The following PRKCE variants were observed in gnomAD, a reference collection of about 807,000 sequenced individuals.
PRKCE encodes protein kinase C epsilon type.
In PRKCE, 16 loss-of-function variants were observed where a neutral mutation model predicts 85.4. The ratio of observed to expected loss-of-function variants is 0.19; its 90% CI spans 0.13 to 0.28. The LOEUF is 0.28. Ranked by LOEUF, PRKCE falls within the 10% of genes least tolerant of loss-of-function variation. The pLI is 1.00. For synonymous variants in PRKCE, 388 were observed against 371.5 expected (o/e 1.04, Z -0.51); for missense variants, 573 against 975.2 (o/e 0.59, Z 5.49).
At chr2:45,690,427 T>G (rs1677639646) in intron 1 of PRKCE, among the ~76,000 whole-genome samples, 1 of 152,176 alleles carries the variant, frequency 6.6e-6, no homozygotes, top group Admixed American at 6.5e-5. Context: ...GGTCCATATG[T>G]CAGCAGAGGC....
chr2:45,680,514 A>G (rs557001450), intron 1 of PRKCE, among the ~76,000 whole-genome samples: 1 of 152,332 alleles, frequency 6.6e-6, no homozygotes, highest in South Asian at 2.1e-4. Flanking sequence ...TTAAACTTTA[A>G]AGTTGGACTG....
At chr2:46,173,526 T>C (rs1337352178) in intron 14 of PRKCE, among the ~76,000 whole-genome samples, 1 of 152,184 alleles carries the variant, frequency 6.6e-6, no homozygotes, top group Non-Finnish European at 1.5e-5. Context: ...ACTTTACCAA[T>C]AGCAGACAAG....
In PRKCE at chr2:45,868,021, G is replaced by A. The variant is rs372956067; in HGVS notation, c.412+24958G>A. Reference sequence around the variant, plus strand: ...TGTTTTGATGCCTCATTCCCGCCAGGTTTTTCTATGGCCCCACATGGTCAC... The same window carrying A: ...TGTTTTGATGCCTCATTCCCGCCAGATTTTTCTATGGCCCCACATGGTCAC... On this transcript the variant is annotated intron_variant, in intron 2 of 14. Transcript: ENST00000306156. Among the ~76,000 whole-genome samples, 234 of 152,122 alleles carry A rather than the reference G, an allele frequency of 1.5e-3. 2 individuals are homozygous for A. The highest frequency in any genetic ancestry group is 5.1e-3 in the African/African-American group (212 of 41,516).
chr2:45,944,722 G>C (rs760488167), intron 2 of PRKCE, among the ~76,000 whole-genome samples: 12 of 127,652 alleles, frequency 9.4e-5, no homozygotes, highest in Admixed American at 6.5e-4. Context: ...GGCTAGTCTC[G>C]AAGTCCTGGG....
intron 2 of PRKCE, among the ~76,000 whole-genome samples, chr2:45,864,943 T>C (rs964913310): frequency 7.2e-5 from 11 of 152,226 alleles, no homozygotes; most frequent in Admixed American, 6.5e-5. Flanking sequence ...TCACAATTTC[T>C]GATTCTGGCG....
At chr2:45,722,025 T>C (rs1469008836) in intron 1 of PRKCE, among the ~76,000 whole-genome samples, 1 of 152,034 alleles carries the variant, frequency 6.6e-6, no homozygotes, top group Non-Finnish European at 1.5e-5. Context: ...CCAGAGAGTT[T>C]CTGTTTATTT....
At chr2:45,829,450 C>T (rs10865210) in intron 1 of PRKCE, among the ~76,000 whole-genome samples, 94,808 of 151,958 alleles carry the variant, frequency 0.62, 30,716 homozygotes, top group African/African-American at 0.8. Flanking sequence ...ATATAAATTA[C>T]AGAAAAGGAG....
chr2:46,164,165 G>A (rs556362846), intron 14 of PRKCE, among the ~76,000 whole-genome samples: 1 of 152,198 alleles, frequency 6.6e-6, no homozygotes, highest in Non-Finnish European at 1.5e-5. Context: ...CCCGACATTG[G>A]GAAAAAACCT....
At chr2:45,771,736 T>TGTGTGTGA (rs1274565261) in intron 1 of PRKCE, among the ~76,000 whole-genome samples, 10 of 140,986 alleles carry the variant, frequency 7.1e-5, no homozygotes, top group African/African-American at 1.5e-4. Context: ...TGTGTGTGTG[T>TGTGTGTGA]GAGTGTGTGT....
intron 2 of PRKCE, among the ~76,000 whole-genome samples, chr2:45,880,341 C>T (rs1694787610): frequency 6.6e-6 from 1 of 152,176 alleles, no homozygotes. Context: ...GAGGGGGATA[C>T]AGATATCTCT....
intron 1 of PRKCE, among the ~76,000 whole-genome samples, chr2:45,799,257 T>C (rs189928278): frequency 6.6e-6 from 1 of 152,370 alleles, no homozygotes; most frequent in East Asian, 1.9e-4. Context: ...AGCTCCACTT[T>C]TCTATTTCAA....
chr2:46,113,142 G>A (rs1672431946), intron 11 of PRKCE, among the ~76,000 whole-genome samples: 1 of 152,138 alleles, frequency 6.6e-6, no homozygotes, highest in Non-Finnish European at 1.5e-5. Flanking sequence ...CCTCACAGCT[G>A]ATTTAGACAC....
At chr2:45,721,022 G>A (rs541181382) in intron 1 of PRKCE, among the ~76,000 whole-genome samples, 5 of 152,190 alleles carry the variant, frequency 3.3e-5, no homozygotes, top group East Asian at 1.9e-4. Flanking sequence ...CAAAAGAATC[G>A]CTTGAACCTG....
intron 10 of PRKCE, among the ~76,000 whole-genome samples, chr2:46,048,902 G>T (rs1027292907): frequency 8.5e-5 from 13 of 152,222 alleles, no homozygotes; most frequent in African/African-American, 3.1e-4. Context: ...CTTTCCTATA[G>T]CTCTGTATGG....
At chr2:46,137,011 G>T (rs940901481) in intron 11 of PRKCE, among the ~76,000 whole-genome samples, 1 of 152,214 alleles carries the variant, frequency 6.6e-6, no homozygotes, top group Non-Finnish European at 1.5e-5. Flanking sequence ...GGGATTTAGT[G>T]ACTTGCACTG....
intron 1 of PRKCE, chr2:45,770,832 G>A (rs1458044964): frequency 2.0e-5 from 3 of 150,902 alleles, no homozygotes; most frequent in Non-Finnish European, 1.5e-5. Flanking sequence ...TTAACCAAGG[G>A]TGAAAAAGAC....
intron 2 of PRKCE, among the ~76,000 whole-genome samples, chr2:45,918,705 T>C (rs1698017225): frequency 6.6e-6 from 1 of 152,124 alleles, no homozygotes; most frequent in African/African-American, 2.4e-5. Context: ...TAGGAATGAC[T>C]TTTCATGGGC....
chr2:45,751,065 G>A (rs544827041), intron 1 of PRKCE, among the ~76,000 whole-genome samples: 1 of 152,244 alleles, frequency 6.6e-6, no homozygotes, highest in Non-Finnish European at 1.5e-5. Context: ...CTACCGCTCT[G>A]GACCACCTTT....
intron 9 of PRKCE, among the ~76,000 whole-genome samples, chr2:46,009,892 T>G (rs1336218770): frequency 6.6e-6 from 1 of 152,262 alleles, no homozygotes; most frequent in Non-Finnish European, 1.5e-5. Flanking sequence ...GTACTGTAAC[T>G]GTAAAAATAG....
Sources: allele counts gnomAD v4.1 joint callset (sites outside exome capture counted in the v4.1 genomes callset), GRCh38; gene constraint gnomAD v4.1.1; transcripts MANE v1.5; gene names NCBI Gene and HGNC (gene_info 2026-07-23, HGNC 2026-07-21).